CLDN14: variants seen among roughly 807,000 people sequenced by gnomAD.
CLDN14 encodes the protein claudin 14.
A neutral mutation model predicts 2.1 loss-of-function variants in CLDN14; 2 were observed. That is an observed-to-expected ratio of 0.96 (90% CI 0.39 to 3.01). The LOEUF (loss-of-function observed/expected upper bound fraction) is 3.01. Ranked by LOEUF, CLDN14 falls within the 30% of genes most tolerant of loss-of-function variation. The pLI is 0.09. For missense variants in CLDN14, 298 were observed against 328.0 expected (o/e 0.91, Z 0.71); for synonymous variants, 136 against 154.4 (o/e 0.88, Z 0.88).
chr21:36,561,322 A>G (rs1202093247), intron 1 of CLDN14, among the ~76,000 whole-genome samples: 3 of 152,370 alleles, frequency 2.0e-5, no homozygotes, highest in African/African-American at 7.2e-5. Flanking sequence ...GTGGGCAGCC[A>G]CATGATGTCC....
At chr21:36,483,290 AG>A (rs66518968), upstream of CLDN14, among the ~76,000 whole-genome samples, 132,042 of 152,302 alleles carry the variant, frequency 0.87, 57,389 homozygotes, top group African/African-American at 0.9. Context: ...CGCTGGGTTC[AG>A]GAGGCCCTGA....
In CLDN14 at chr21:36,530,006, C is replaced by T. The variant is rs557340429; in HGVS notation, c.-219-19506G>A. Among the ~76,000 whole-genome samples, 167 of 152,178 alleles carry T rather than the reference C, an allele frequency of 1.1e-3. 1 individual carries two copies. The highest frequency in any genetic ancestry group is 1.4e-3 in the Non-Finnish European group (96 of 68,014). On this transcript the variant is annotated intron_variant, in intron 1 of 2. Transcript: ENST00000342108. Reference sequence around the variant, plus strand: ...TGCTGGGGGATGGACTTTGTTAGGACGATTAGAAAGGAGCGTTTCCATGAT... The same window carrying T: ...TGCTGGGGGATGGACTTTGTTAGGATGATTAGAAAGGAGCGTTTCCATGAT...
At chr21:36,526,596 G>A (rs2087332364) in intron 1 of CLDN14, 1 of 152,274 alleles carries the variant, frequency 6.6e-6, no homozygotes, top group East Asian at 1.9e-4. Context: ...TGGGATGTTT[G>A]TGTTTTCAAT....
intron 2 of CLDN14, among the ~76,000 whole-genome samples, chr21:36,505,941 C>CT (rs1342286834): frequency 6.6e-6 from 1 of 152,158 alleles, no homozygotes; most frequent in African/African-American, 2.4e-5. Flanking sequence ...CTGTCAGTGT[C>CT]TTTTTTGGAT....
At chr21:36,481,122 C>T (rs1167508468), upstream of CLDN14, 1 of 152,194 alleles carries the variant, frequency 6.6e-6, no homozygotes, top group Non-Finnish European at 1.5e-5. Flanking sequence ...TTTATAGGCC[C>T]AGATCCTCTA....
Position 36,498,631 on chromosome 21 carries a change from G to C in CLDN14, c.-82+11732C>G, listed in dbSNP as rs2087062041. On this transcript the variant is annotated intron_variant, in intron 2 of 2. Coordinates refer to the CLDN14 transcript ENST00000342108. The surrounding 1 kb of genome is among the most constrained non-coding windows in gnomAD (Gnocchi z 4.9). ...GGGACGTGGAACTGGTAGGACCGAT[G>C]GCTAAGCTCTCTTCCCCTCCACCCT... 6.6e-6 allele frequency among the ~76,000 whole-genome samples: 1 copy of C among 152,190 alleles called. No individual in the cohort carries two copies. The highest frequency in any genetic ancestry group is 1.5e-5 in the Non-Finnish European group (1 of 68,044).
chr21:36,568,649 C>T (rs1363598727), intron 1 of CLDN14, among the ~76,000 whole-genome samples: 1 of 152,202 alleles, frequency 6.6e-6, no homozygotes, highest in African/African-American at 2.4e-5. Flanking sequence ...CGCTTGAGCC[C>T]AGGAGGTTGA....
chr21:36,537,849 C>T (rs1297492738), intron 1 of CLDN14, among the ~76,000 whole-genome samples: 2 of 152,138 alleles, frequency 1.3e-5, no homozygotes, highest in African/African-American at 2.4e-5. Flanking sequence ...GGGGTTTCAC[C>T]ATGTTGGTCA....
At chr21:36,492,430 G>T in intron 2 of CLDN14, among the ~76,000 whole-genome samples, 1 of 56,776 alleles carries the variant, frequency 1.8e-5, no homozygotes, top group African/African-American at 8.4e-5. Context: ...GACAGAGCGA[G>T]ACTCCGTCCC....
Position 36,461,082 on chromosome 21 carries a change from G to A in CLDN14, c.614C>T (p.Ala205Val), listed in dbSNP as rs149671826. Reference protein sequence around the residue: ...QAPPRATTTTANTAPAYQPPA... With the variant: ...QAPPRATTTTVNTAPAYQPPA... Reference sequence around the variant, plus strand: ...TGGCTGGTAGGCAGGTGCGGTGTTTGCAGTGGTCGTGGTGGCCCTGGGCGG... The same window carrying A: ...TGGCTGGTAGGCAGGTGCGGTGTTTACAGTGGTCGTGGTGGCCCTGGGCGG... Residue 205 changes from alanine to valine, a missense_variant, in exon 2 of 2, where the codon GCA becomes GTA. Coordinates refer to ENST00000399135, the MANE Select transcript of CLDN14 (RefSeq NM_001146079.2). 1.3e-5 allele frequency: 21 copies of A among 1,614,034 alleles called. No homozygotes were observed. In the African/African-American group the frequency reaches 1.7e-4, roughly 13 times the overall value.
intron 2 of CLDN14, among the ~76,000 whole-genome samples, chr21:36,505,413 G>A (rs1601615506): frequency 6.6e-6 from 1 of 152,160 alleles, no homozygotes; most frequent in East Asian, 1.9e-4. Flanking sequence ...GGACGATGAA[G>A]CCATCATACT....
chr21:36,536,751 C>T (rs1172424015), intron 1 of CLDN14, among the ~76,000 whole-genome samples: 1 of 152,120 alleles, frequency 6.6e-6, no homozygotes, highest in Non-Finnish European at 1.5e-5. Context: ...TTTCAACAGA[C>T]TTTCTCTTTT....
chr21:36,500,538 TCTC>T (rs2087084017), intron 2 of CLDN14, among the ~76,000 whole-genome samples: 1 of 152,178 alleles, frequency 6.6e-6, no homozygotes, highest in Non-Finnish European at 1.5e-5. Flanking sequence ...TTCAAGCAAT[TCTC>T]CTGCTTCAAC....
At chr21:36,522,550 C>T (rs1445138114) in intron 1 of CLDN14, among the ~76,000 whole-genome samples, 1 of 152,236 alleles carries the variant, frequency 6.6e-6, no homozygotes, top group Non-Finnish European at 1.5e-5. Context: ...GAACCCCACA[C>T]AACCCACTGC....
intron 1 of CLDN14, among the ~76,000 whole-genome samples, chr21:36,513,257 CA>C (rs1425348109): frequency 6.6e-6 from 1 of 152,142 alleles, no homozygotes; most frequent in Non-Finnish European, 1.5e-5. Flanking sequence ...AAAAGAAGAA[CA>C]AAGAAGCCAA....
chr21:36,531,643 TC>T (rs1168841934), intron 1 of CLDN14, among the ~76,000 whole-genome samples: 2 of 151,356 alleles, frequency 1.3e-5, no homozygotes, highest in Non-Finnish European at 2.9e-5. Context: ...GGAATGTCCC[TC>T]CTGGTGGAAT....
chr21:36,505,098 A>G (rs1241595097), intron 2 of CLDN14, among the ~76,000 whole-genome samples: 1 of 152,238 alleles, frequency 6.6e-6, no homozygotes, highest in Non-Finnish European at 1.5e-5. Flanking sequence ...TGCTTAGAGC[A>G]ATGCTGCTCA....
At chr21:36,521,834 C>T (rs1334855239) in intron 1 of CLDN14, among the ~76,000 whole-genome samples, 4 of 152,174 alleles carry the variant, frequency 2.6e-5, no homozygotes, top group Non-Finnish European at 5.9e-5. Context: ...ATCTATCCTT[C>T]CTGTTCCCTG....
At chr21:36,564,674 A>G (rs112445723) in intron 1 of CLDN14, among the ~76,000 whole-genome samples, 135 of 152,342 alleles carry the variant, frequency 8.9e-4, no homozygotes, top group Middle Eastern at 3.4e-3. Flanking sequence ...TCCAGAACCC[A>G]TGAGTATGTT....
Sources: gnomAD v4.1 joint callset for allele counts (sites outside exome capture counted in the v4.1 genomes callset) on GRCh38, gnomAD v4.1.1 for gene constraint, Gnocchi (gnomAD v3.1) non-coding constraint, MANE v1.5 for transcripts, NCBI Gene and HGNC (gene_info 2026-07-23, HGNC 2026-07-21) for gene names.